Variants in FOXP1 observed in about 807,000 individuals in gnomAD.
FOXP1 encodes the protein forkhead box protein P1.
In FOXP1, 15 loss-of-function variants were observed where a neutral mutation model predicts 98.2. The observed-to-expected ratio is 0.15, with a 90% CI of 0.10 to 0.24. The LOEUF is 0.24. Among genes scored for constraint, FOXP1 ranks in the 10% least tolerant of loss-of-function variants. The pLI, the probability that FOXP1 is intolerant of heterozygous loss-of-function variation, is 1.00. For missense variants in FOXP1, 633 were observed against 848.5 expected, an observed-to-expected ratio of 0.75 and a Z score of 3.15; for synonymous variants, 371 against 314.5, an observed-to-expected ratio of 1.18 and a Z score of -1.90.
chr3:71,062,757 A>C (rs1482183262), intron 7 of FOXP1, among the ~76,000 whole-genome samples: 1 of 152,236 alleles, frequency 6.6e-6, no homozygotes. Context: ...CAGGAAACAA[A>C]GTTCTTAAGG....
At chr3:70,973,698 C>T (rs1399624968) in intron 17 of FOXP1, among the ~76,000 whole-genome samples, 2 of 152,142 alleles carry the variant, frequency 1.3e-5, no homozygotes, top group South Asian at 2.1e-4. Context: ...TTAAAATTTT[C>T]TTCTTATTCA....
At chr3:71,050,599 C>T (rs767425483) in intron 9 of FOXP1, among the ~76,000 whole-genome samples, 1 of 152,176 alleles carries the variant, frequency 6.6e-6, no homozygotes, top group Non-Finnish European at 1.5e-5. Flanking sequence ...CAATCTGATT[C>T]AAAAAAGCAA....
chr3:70,979,831 GGA>G (rs2038494640), intron 14 of FOXP1, among the ~76,000 whole-genome samples: 1 of 150,428 alleles, frequency 6.6e-6, no homozygotes, highest in South Asian at 2.1e-4. Flanking sequence ...ATATGTTTCA[GGA>G]GAGTTTCATA....
At chr3:71,362,242 G>A (rs2078621385) in intron 3 of FOXP1, among the ~76,000 whole-genome samples, 2 of 152,098 alleles carry the variant, frequency 1.3e-5, no homozygotes, top group Non-Finnish European at 2.9e-5. Flanking sequence ...TATGATCTCG[G>A]CTCACTGCAA....
At chr3:71,240,583 C>T (rs954441431) in intron 5 of FOXP1, among the ~76,000 whole-genome samples, 6 of 152,032 alleles carry the variant, frequency 3.9e-5, no homozygotes, top group South Asian at 2.1e-4. Flanking sequence ...CGCTCTGTCA[C>T]CCAGGCTGGA....
At chr3:71,464,952 C>T (rs2088539032) in intron 3 of FOXP1, among the ~76,000 whole-genome samples, 1 of 152,160 alleles carries the variant, frequency 6.6e-6, no homozygotes, top group Admixed American at 6.5e-5. Context: ...GACTGTAGCA[C>T]CTGCCTCATA....
At position 71,447,256 on chromosome 3, in the gene FOXP1, C is replaced by T. The variant is rs556188020; in HGVS notation, c.-168+46170G>A. Among the ~76,000 whole-genome samples, 83 of 152,340 alleles carry T rather than the reference C, an allele frequency of 5.4e-4. 1 individual carries two copies. Among genetic ancestry groups the T allele is most frequent in the Middle Eastern group, 3.4e-3 (1 of 294 alleles). Reference sequence around the variant, plus strand: ...ATGTCTACACATACAGCAAGAATGACTGTTTAAATTTAGCCACTATGTTTC... The same window carrying T: ...ATGTCTACACATACAGCAAGAATGATTGTTTAAATTTAGCCACTATGTTTC... On this transcript the variant is annotated intron_variant, in intron 3 of 20. Transcript: ENST00000649528.
intron 2 of FOXP1, among the ~76,000 whole-genome samples, chr3:71,541,154 T>C (rs1396562996): frequency 1.3e-5 from 2 of 152,254 alleles, no homozygotes; most frequent in Non-Finnish European, 2.9e-5. Context: ...TACCAATTCA[T>C]GCTTTTTCCA....
At chr3:71,272,928 G>T (rs1261176496) in intron 5 of FOXP1, among the ~76,000 whole-genome samples, 1 of 152,172 alleles carries the variant, frequency 6.6e-6, no homozygotes, top group South Asian at 2.1e-4. Flanking sequence ...GGTCTTCCAT[G>T]GTTTGGAAGG....
chr3:71,142,313 A>G (rs181232230), intron 6 of FOXP1, among the ~76,000 whole-genome samples: 2 of 152,256 alleles, frequency 1.3e-5, no homozygotes, highest in East Asian at 3.9e-4. Flanking sequence ...GGTATAACAC[A>G]CCCCTTCCCA....
intron 6 of FOXP1, chr3:71,130,359 A>G: frequency 1.3e-6 from 1 of 759,188 alleles, no homozygotes; most frequent in East Asian, 2.7e-5. Flanking sequence ...TGGAGAGAGG[A>G]GGGAAGGGGG....
chr3:71,187,047 G>C (rs1171810405), intron 6 of FOXP1, among the ~76,000 whole-genome samples: 2 of 152,252 alleles, frequency 1.3e-5, no homozygotes, highest in East Asian at 3.8e-4. Context: ...TAGGTGGCAG[G>C]CTGGATCTGG....
chr3:71,109,427 G>GAT (rs557144542), intron 7 of FOXP1, among the ~76,000 whole-genome samples: 1 of 147,528 alleles, frequency 6.8e-6, no homozygotes, highest in African/African-American at 2.5e-5. Context: ...GGATTTGGGG[G>GAT]TTTTTTTTTT....
At chr3:71,145,534 T>C (rs921164414) in intron 6 of FOXP1, among the ~76,000 whole-genome samples, 1 of 151,994 alleles carries the variant, frequency 6.6e-6, no homozygotes, top group African/African-American at 2.4e-5. Context: ...AGAGCGAGAC[T>C]CCATCTCAAA....
At chr3:71,258,554 G>A (rs768162490) in intron 5 of FOXP1, among the ~76,000 whole-genome samples, 73 of 152,238 alleles carry the variant, frequency 4.8e-4, no homozygotes, top group Non-Finnish European at 9.0e-4. Context: ...ACAGAGACTG[G>A]GGCCAGGGGA....
chr3:71,540,585 TA>T (rs1560629605), intron 2 of FOXP1, among the ~76,000 whole-genome samples: 1 of 152,214 alleles, frequency 6.6e-6, no homozygotes, highest in Non-Finnish European at 1.5e-5. Context: ...CTCATGTACA[TA>T]ATCTCATTAA....
At chr3:71,362,383 G>C (rs1011084335) in intron 3 of FOXP1, among the ~76,000 whole-genome samples, 1 of 152,116 alleles carries the variant, frequency 6.6e-6, no homozygotes, top group East Asian at 1.9e-4. Flanking sequence ...GTGTTAGCCA[G>C]GATGGTCTGG....
chr3:71,420,659 TAA>T (rs1226130289), intron 3 of FOXP1, among the ~76,000 whole-genome samples: 1 of 152,036 alleles, frequency 6.6e-6, no homozygotes, highest in Non-Finnish European at 1.5e-5. Flanking sequence ...GGATTATGAA[TAA>T]AGTCGCTTTT....
intron 12 of FOXP1, among the ~76,000 whole-genome samples, chr3:71,009,206 TA>T (rs2043222230): frequency 8.0e-6 from 1 of 125,462 alleles, no homozygotes; most frequent in South Asian, 2.8e-4. Flanking sequence ...CAAATATGAC[TA>T]ACTTGAGGGT....
Sources: allele counts gnomAD v4.1 joint callset (sites outside exome capture counted in the v4.1 genomes callset), GRCh38; gene constraint gnomAD v4.1.1; transcripts MANE v1.5; gene names NCBI Gene and HGNC (gene_info 2026-07-23, HGNC 2026-07-21).